Variants in CDC6 observed in about 807,000 individuals in gnomAD.
CDC6 encodes the protein cell division cycle 6, also known as DNA replication factor CDC6.
A neutral mutation model predicts 60.2 loss-of-function variants in CDC6; 46 were observed. The ratio of observed to expected loss-of-function variants is 0.76; its 90% CI spans 0.60 to 0.98. The LOEUF (loss-of-function observed/expected upper bound fraction) is 0.98. Among genes scored for constraint, CDC6 ranks in the 50% least tolerant of loss-of-function variants. The pLI, the probability that CDC6 is intolerant of heterozygous loss-of-function variation, is 0.00. For synonymous variants in CDC6, 210 were observed against 233.2 expected (o/e 0.90, Z 0.90); for missense variants, 596 against 652.9 (o/e 0.91, Z 0.95).
intron 8 of CDC6, 150 bp from the exon 9 acceptor site, chr17:40,296,553 A>C (rs2143095961): frequency 1.6e-6 from 1 of 609,506 alleles, no homozygotes; most frequent in Non-Finnish European, 3.0e-6. Flanking sequence ...CACGTAGGAT[A>C]TGTGTAGGCT....
chr17:40,296,591 T>C (rs2032863280), intron 8 of CDC6, 112 bp from the exon 9 acceptor site: 1 of 712,864 alleles, frequency 1.4e-6, no homozygotes, highest in Non-Finnish European at 2.6e-6. Context: ...ATGACCATTG[T>C]TCATAGTTGC....
At chr17:40,295,295 C>T in intron 7 of CDC6, 61 bp from the exon 8 acceptor site, 1 of 1,083,180 alleles carries the variant, frequency 9.2e-7, no homozygotes, top group Non-Finnish European at 1.4e-6. Flanking sequence ...ATGCTTGGGA[C>T]CTAAATTACA....
At position 40,291,180 on chromosome 17, in the gene CDC6, C is replaced by T; in HGVS notation, c.301C>T (p.Gln101Ter). ...LKGRRLVFDN[Q>*]LTIKSPSKRE... ...GGGACGAAGATTGGTATTTGACAAT[C>T]AGCTGACAATTAAGTCTCCTAGCAA... Residue 101 changes from glutamine (Q) to a stop codon, truncating the protein, a stop_gained, in exon 3 of 12, where the codon CAG becomes TAG. Transcript: ENST00000209728. LOFTEE classifies it high-confidence loss of function. The T allele has an allele frequency of 6.2e-7, 1 of 1,614,160 alleles. No homozygotes were observed. The highest frequency in any genetic ancestry group is 1.1e-5 in the South Asian group (1 of 91,084).
Position 40,293,525 on chromosome 17 carries a change from C to A in CDC6, c.730C>A (p.Pro244Thr), listed in dbSNP as rs1463785607. The part of the protein sequence containing the change: ...MSLRTAQAVF[P>T]AIAQEICQEE... Reference sequence around the variant, plus strand: ...CTTGAGGACTGCCCAGGCTGTATTCCCAGCTATTGCTCAGGAGATTTGTCA... The same window carrying A: ...CTTGAGGACTGCCCAGGCTGTATTCACAGCTATTGCTCAGGAGATTTGTCA... The change falls in exon 5 of 12, where the codon CCA becomes ACA. Residue 244 changes from proline (P) to threonine (T), a missense_variant. Transcript: ENST00000209728. 1 of 1,613,792 alleles carries A rather than the reference C, an allele frequency of 6.2e-7. No individual in the cohort carries two copies. The highest frequency in any genetic ancestry group is 1.1e-5 in the South Asian group (1 of 91,070).
Position 40,294,444 on chromosome 17 carries a change from A to G in CDC6, c.1024A>G (p.Asn342Asp). ...AGAAAAATGTAAGCCACAGCTGTTG[A>G]ACTTCCCACCTTATACCAGAAATCA... is the stretch of plus-strand genomic sequence containing the variant. The part of the protein sequence containing the change: ...AREKCKPQLL[N>D]FPPYTRNQIV... The change falls in exon 7 of 12, where the codon AAC becomes GAC. Residue 342 changes from asparagine to aspartate, a missense_variant. By Grantham distance (23) the Asn-to-Asp change is conservative (BLOSUM62 1). Coordinates refer to ENST00000209728, the MANE Select transcript of CDC6 (RefSeq NM_001254.4). 1.9e-6 allele frequency: 3 copies of G among 1,613,702 alleles called. No individual in the cohort carries two copies. Among genetic ancestry groups the G allele is most frequent in the Non-Finnish European group, 2.5e-6 (3 of 1,179,644 alleles).
chr17:40,290,327 G>A (rs2032735094), intron 2 of CDC6, among the ~76,000 whole-genome samples: 1 of 152,146 alleles, frequency 6.6e-6, no homozygotes. Context: ...TAAATGGGGG[G>A]TAATTTGGTT....
chr17:40,298,765 G>A (rs1483168512), intron 9 of CDC6, among the ~76,000 whole-genome samples: 2 of 152,172 alleles, frequency 1.3e-5, no homozygotes, highest in Non-Finnish European at 1.5e-5. Flanking sequence ...AATATAAGAA[G>A]AAAATTTATA....
chr17:40,299,298 C>T (rs1424977948), intron 9 of CDC6, among the ~76,000 whole-genome samples: 2 of 151,754 alleles, frequency 1.3e-5, no homozygotes, highest in East Asian at 1.9e-4. Context: ...CAGGCACACA[C>T]CACCACACCC....
intron 9 of CDC6, among the ~76,000 whole-genome samples, chr17:40,299,567 C>G (rs2032909118): frequency 6.6e-6 from 1 of 151,952 alleles, no homozygotes; most frequent in Non-Finnish European, 1.5e-5. Context: ...TCTTATGAAG[C>G]TTATTGGCAG....
intron 4 of CDC6, 60 bp from the exon 5 acceptor site, chr17:40,293,396 C>G: frequency 2.3e-6 from 3 of 1,314,006 alleles, no homozygotes; most frequent in East Asian, 4.6e-5. Flanking sequence ...ATTTTAGGCT[C>G]TATCAGATCT....
intron 2 of CDC6, 88 bp downstream of exon 2, chr17:40,289,686 AAGTTC>A: frequency 1.1e-6 from 1 of 875,350 alleles, no homozygotes. Context: ...GGAGCTTTCT[AAGTTC>A]AGTTAAGACT....
chr17:40,293,754 A>C, intron 5 of CDC6, 123 bp downstream of exon 5: 2 of 945,554 alleles, frequency 2.1e-6, no homozygotes, highest in South Asian at 2.7e-5. Flanking sequence ...GAAAGAAGAG[A>C]AGGAAGATAC....
At chr17:40,296,898 A>C in intron 9 of CDC6, 131 bp downstream of exon 9, 1 of 750,174 alleles carries the variant, frequency 1.3e-6, no homozygotes, top group Non-Finnish European at 2.4e-6. Context: ...CTGTGTTTTT[A>C]GTCCGTTTCG....
Position 40,293,628 on chromosome 17 carries a change from T to C in CDC6, c.833T>C (p.Met278Thr), listed in dbSNP as rs2032807608. 2 of 1,608,088 alleles carry C rather than the reference T, an allele frequency of 1.2e-6. No homozygotes were observed. Among genetic ancestry groups the C allele is most frequent in the Non-Finnish European group, 1.7e-6 (2 of 1,174,596 alleles). ...CATATGACTGCAGAGAAGGGCCCCA[T>C]GATGTAAGTATTGTTCTGCTTCATG... is the stretch of plus-strand genomic sequence containing the variant. The part of the protein sequence containing the change: ...EKHMTAEKGP[M>T]IVLVLDEMDQ... The change falls in exon 5 of 12, where the codon ATG becomes ACG. Residue 278 changes from methionine to threonine, a missense_variant. Met to Thr is a moderately conservative substitution (Grantham distance 81, BLOSUM62 -1). Transcript: ENST00000209728.
rs774802926 is a variant in CDC6, at chr17:40,295,443, C to T, written c.1171C>T (p.Leu391=). ...SAVSGDVRKA[L]DVCRRAIEIV... ...TGTTTCAGGAGATGTTCGCAAAGCACTGGATGTTTGCAGGTGAGTTACGGC... is the reference window on the plus strand; with the variant it reads ...TGTTTCAGGAGATGTTCGCAAAGCATTGGATGTTTGCAGGTGAGTTACGGC... The change falls in exon 8 of 12, where the codon CTG becomes TTG. Residue 391 remains leucine, a synonymous_variant. Coordinates refer to ENST00000209728, the MANE Select transcript of CDC6 (RefSeq NM_001254.4). The T allele has an allele frequency of 2.5e-6, 4 of 1,606,424 alleles. No homozygotes were observed. The Admixed American group carries it at 5.0e-5, about 20-fold the overall frequency.
rs561707022 is a variant in CDC6 at position 40,289,931 on chromosome 17, C to G, written c.178+333C>G. ...TTGAGACAGGGTTTTGCCATATTGGCCAATCTGGTCTCTGAACTCCTGACC... is the reference window on the plus strand; with the variant it reads ...TTGAGACAGGGTTTTGCCATATTGGGCAATCTGGTCTCTGAACTCCTGACC... On this transcript the variant is annotated intron_variant, in intron 2 of 11. Transcript: ENST00000209728. Among the ~76,000 whole-genome samples the G allele has an allele frequency of 6.8e-5, 10 of 146,058 alleles. No individual in the cohort carries two copies. The East Asian group carries it at 2.0e-3, about 29-fold the overall frequency.
At position 40,302,122 on chromosome 17, in the gene CDC6, A is replaced by G. The variant is rs372529746; in HGVS notation, c.*121A>G. The G allele has an allele frequency of 1.2e-4, 93 of 748,066 alleles. 2 individuals carry two copies. The highest frequency in any genetic ancestry group is 5.1e-4 in the South Asian group (35 of 69,114). The allele number at this position is 748,066 out of a possible 1,614,324, so 46.3% of individuals were successfully genotyped here. A position where few individuals can be genotyped will look rare whatever the true frequency, so the allele number is the denominator to read the frequency against. Reference sequence around the variant, plus strand: ...ATATGACCTTTTTTACTTGAAGCCAATGAATTTTAATCTATAGATTCTTTA... The same window carrying G: ...ATATGACCTTTTTTACTTGAAGCCAGTGAATTTTAATCTATAGATTCTTTA... On this transcript the variant is annotated 3_prime_UTR_variant, in exon 12 of 12. Transcript: ENST00000209728.
intron 4 of CDC6, 22 bp downstream of exon 4, chr17:40,291,690 T>C (rs778993769): frequency 2.5e-6 from 4 of 1,591,576 alleles, no homozygotes; most frequent in Admixed American, 3.3e-5. Context: ...GTCTGAATTA[T>C]GATACTCTTG....
chr17:40,288,714 A>G (rs1040170822), intron 1 of CDC6, among the ~76,000 whole-genome samples: 1 of 151,800 alleles, frequency 6.6e-6, no homozygotes, highest in African/African-American at 2.4e-5. Context: ...CCTCCCGAGT[A>G]GCTGGGACTA....
Sources: gnomAD v4.1 joint callset for allele counts (sites outside exome capture counted in the v4.1 genomes callset) on GRCh38, gnomAD v4.1.1 for gene constraint, MANE v1.5 for transcripts, NCBI Gene and HGNC (gene_info 2026-07-23, HGNC 2026-07-21) for gene names.